The following OR51B5 variants were observed in gnomAD, a reference collection of about 807,000 sequenced individuals.
OR51B5 encodes olfactory receptor 51B5.
For synonymous variants in OR51B5, 186 were observed against 144.8 expected (o/e 1.28, Z -2.04); for missense variants, 456 against 374.6 (o/e 1.22, Z -1.79).
chr11:5,492,115 T>C (rs1851589841), intron 1 of OR51B5, among the ~76,000 whole-genome samples: 1 of 152,178 alleles, frequency 6.6e-6, no homozygotes, highest in African/African-American at 2.4e-5. Flanking sequence ...CAATTTTAAG[T>C]AATTCAGCAC....
chr11:5,392,666 A>G (rs1222055951), intron 1 of OR51B5: 1 of 152,246 alleles, frequency 6.6e-6, no homozygotes, highest in Non-Finnish European at 1.5e-5. Context: ...TAATCCCAGC[A>G]CTCTGGGAGG....
At chr11:5,389,318 C>T (rs1285885291) in intron 1 of OR51B5, 6 of 1,340,368 alleles carry the variant, frequency 4.5e-6, no homozygotes, top group Middle Eastern at 1.8e-4. Context: ...CATGGTACTG[C>T]TTGTGATGTT....
chr11:5,342,603 GGGTAGTAAAA>G lies in OR51B5; in HGVS notation c.912_921del (p.Phe305IlefsTer?). 1 of 1,590,128 alleles carries G rather than the reference GGGTAGTAAAA, an allele frequency of 6.3e-7. No homozygotes were observed. Among genetic ancestry groups the G allele is most frequent in the South Asian group, 1.2e-5 (1 of 85,776 alleles). ...ATTGGAGATCAGGTTCCAATTCTAT[GGGTAGTAAAA>G]AGGTGAAGAATGGCATTCTGAATCT... is the stretch of plus-strand genomic sequence containing the variant. On this transcript the variant is annotated frameshift_variant, in exon 1 of 1. Coordinates refer to ENST00000300773, the Ensembl canonical transcript of OR51B5. LOFTEE classifies it high-confidence loss of function.
intron 1 of OR51B5, among the ~76,000 whole-genome samples, chr11:5,421,214 G>A (rs1320102247): frequency 1.3e-5 from 2 of 152,202 alleles, no homozygotes; most frequent in African/African-American, 2.4e-5. Flanking sequence ...CGATGCCTCC[G>A]TGTAATCCTG....
intron 1 of OR51B5, among the ~76,000 whole-genome samples, chr11:5,471,931 T>C (rs766008819): frequency 4.6e-5 from 7 of 152,170 alleles, no homozygotes; most frequent in Non-Finnish European, 8.8e-5. Flanking sequence ...ACTAGGAAAG[T>C]TGTGATAAAG....
intron 1 of OR51B5, chr11:5,391,504 G>A (rs1470375459): frequency 6.6e-6 from 1 of 152,192 alleles, no homozygotes; most frequent in Non-Finnish European, 1.5e-5. Context: ...CCTAGCACAT[G>A]CCATATACTC....
intron 1 of OR51B5, among the ~76,000 whole-genome samples, chr11:5,464,743 A>G (rs1160989214): frequency 6.6e-6 from 1 of 152,166 alleles, no homozygotes; most frequent in Admixed American, 6.5e-5. Flanking sequence ...GCCACAATAA[A>G]CATACGTGTG....
intron 1 of OR51B5, among the ~76,000 whole-genome samples, chr11:5,360,010 C>T (rs1326048179): frequency 1.3e-5 from 2 of 152,184 alleles, no homozygotes; most frequent in African/African-American, 2.4e-5. Context: ...GGATTACAGA[C>T]TTAAATGTTA....
At chr11:5,503,558 C>T (rs1846329699) in intron 1 of OR51B5, among the ~76,000 whole-genome samples, 2 of 152,146 alleles carry the variant, frequency 1.3e-5, no homozygotes, top group South Asian at 4.1e-4. Flanking sequence ...TGAAATTTGA[C>T]ATCTGCTATA....
At chr11:5,354,423 C>G (rs1324362393) in intron 1 of OR51B5, among the ~76,000 whole-genome samples, 1 of 152,194 alleles carries the variant, frequency 6.6e-6, no homozygotes, top group African/African-American at 2.4e-5. Context: ...TTTCTCTCCT[C>G]CCTTTCTGTT....
intron 1 of OR51B5, among the ~76,000 whole-genome samples, chr11:5,364,787 C>A (rs1295000512): frequency 1.3e-5 from 2 of 152,190 alleles, no homozygotes; most frequent in African/African-American, 4.8e-5. Context: ...CTCTTCCTTC[C>A]TGAGCATGTG....
chr11:5,372,735 T>C (rs1279604703), intron 1 of OR51B5, among the ~76,000 whole-genome samples: 1 of 152,218 alleles, frequency 6.6e-6, no homozygotes, highest in Non-Finnish European at 1.5e-5. Flanking sequence ...TTCTTTGCTG[T>C]GCAGAAAATA....
chr11:5,452,536 A>G, intron 1 of OR51B5, among the ~76,000 whole-genome samples: 1 of 106,452 alleles, frequency 9.4e-6, no homozygotes, highest in African/African-American at 3.6e-5. Flanking sequence ...AAAAAAAAAA[A>G]AAAAAAAATC....
chr11:5,497,580 C>T (rs1851668065), intron 1 of OR51B5, among the ~76,000 whole-genome samples: 1 of 152,100 alleles, frequency 6.6e-6, no homozygotes, highest in South Asian at 2.1e-4. Context: ...TCAAAGAAAA[C>T]AGAGATTAAA....
chr11:5,413,573 C>A (rs927505640), intron 1 of OR51B5, among the ~76,000 whole-genome samples: 1 of 151,978 alleles, frequency 6.6e-6, no homozygotes, highest in Non-Finnish European at 1.5e-5. Flanking sequence ...ATAACCAATA[C>A]AGAGAAGTGC....
intron 1 of OR51B5, among the ~76,000 whole-genome samples, chr11:5,384,637 G>T (rs150619539): frequency 1.3e-5 from 2 of 152,122 alleles, no homozygotes; most frequent in African/African-American, 2.4e-5. Context: ...CTTTCCTGCC[G>T]AGCCATCTGG....
chr11:5,419,956 G>A (rs779306400), intron 1 of OR51B5, among the ~76,000 whole-genome samples: 3 of 150,940 alleles, frequency 2.0e-5, no homozygotes, highest in Non-Finnish European at 4.4e-5. Flanking sequence ...TAGAGCTTAT[G>A]TTTCTATTTA....
At chr11:5,389,283 A>C (rs1256140649) in intron 1 of OR51B5, 2 of 975,496 alleles carry the variant, frequency 2.1e-6, no homozygotes, top group African/African-American at 3.2e-5. Context: ...AGGGTGGAGT[A>C]GATAATACTA....
rs752006857 is a variant in OR51B5, at chr11:5,378,782, G to A, written n.85-31872C>T. Among the ~76,000 whole-genome samples, 243 of 151,878 alleles carry A rather than the reference G, an allele frequency of 1.6e-3. 1 individual carries two copies. The highest frequency in any genetic ancestry group is 2.9e-3 in the Non-Finnish European group (199 of 67,934). On this transcript the variant is annotated intron_variant and non_coding_transcript_variant, in intron 1 of 4. Coordinates refer to the OR51B5 transcript ENST00000415970. Reference sequence around the variant, plus strand: ...ATGAGATACCATCTCATACCAGTTAGAATGGCAATCATTAAAAAGTCAGGA... The same window carrying A: ...ATGAGATACCATCTCATACCAGTTAAAATGGCAATCATTAAAAAGTCAGGA...
Sources: allele counts gnomAD v4.1 joint callset (sites outside exome capture counted in the v4.1 genomes callset), GRCh38; gene constraint gnomAD v4.1.1; transcripts MANE v1.5; gene names NCBI Gene and HGNC (gene_info 2026-07-23, HGNC 2026-07-21).